Variants in MYPN observed in about 807,000 individuals in gnomAD.
MYPN encodes the protein sarcomeric protein myopalladin, 145 kDa (MYOP).
In MYPN, 63 loss-of-function variants were observed where a neutral mutation model predicts 129.4. The observed-to-expected ratio is 0.49, with a 90% CI of 0.40 to 0.60. The LOEUF (loss-of-function observed/expected upper bound fraction) is 0.60, where lower values mean the gene tolerates loss of function less well. Among genes scored for constraint, MYPN ranks in the 20% least tolerant of loss-of-function variants. The probability of loss-of-function intolerance (pLI) is 0.00; values close to 1 mark genes in which losing one functional copy is unlikely to be tolerated. For synonymous variants in MYPN, 629 were observed against 600.9 expected (o/e 1.05, Z -0.68); for missense variants, 1,596 against 1,635.4 (o/e 0.98, Z 0.42).
intron 1 of MYPN, among the ~76,000 whole-genome samples, chr10:68,111,133 A>G (rs1724679863): frequency 6.6e-6 from 1 of 152,240 alleles, no homozygotes; most frequent in Admixed American, 6.5e-5. Flanking sequence ...CAATTTATGG[A>G]CACAAGAAGT....
At chr10:68,099,897 T>C (rs895171105) in intron 1 of MYPN, among the ~76,000 whole-genome samples, 5 of 152,176 alleles carry the variant, frequency 3.3e-5, no homozygotes, top group African/African-American at 4.8e-5. Flanking sequence ...GCATTACTAA[T>C]GAGTGTGCAG....
At chr10:68,136,113 T>A (rs2042483452) in intron 2 of MYPN, 24 of 463,492 alleles carry the variant, frequency 5.2e-5, no homozygotes, top group Non-Finnish European at 6.8e-5. Flanking sequence ...TATTTTAGAA[T>A]AAATAGTAAC....
chr10:68,122,047 A>G lies in MYPN; in HGVS notation c.609A>G (p.Ser203=). ...QENSSSFSDL[S]ERRERSSVPI... is the part of the protein sequence containing the mutation. ...ACAGCTCCAGTTTCTCAGATCTGTC[A>G]GAAAGACGAGAAAGATCTTCTGTTC... The change falls in exon 2 of 20, where the codon TCA becomes TCG. Residue 203 remains serine (S), a synonymous_variant. Coordinates refer to ENST00000358913, the MANE Select transcript of MYPN (RefSeq NM_032578.4). The G allele has an allele frequency of 6.2e-7, 1 of 1,614,250 alleles. No individual in the cohort carries two copies. Among genetic ancestry groups the G allele is most frequent in the Non-Finnish European group, 8.5e-7 (1 of 1,180,044 alleles).
intron 6 of MYPN, among the ~76,000 whole-genome samples, chr10:68,151,679 C>T (rs972617442): frequency 6.6e-6 from 1 of 152,150 alleles, no homozygotes; most frequent in Non-Finnish European, 1.5e-5. Flanking sequence ...GCAGCTAAAC[C>T]ACAAGATAGT....
At position 68,206,799 on chromosome 10, in the gene MYPN, G is replaced by A; in HGVS notation, c.3689G>A (p.Cys1230Tyr). ...SMHQDTTGYACLLIQPAKKSD... is the reference protein window; with the variant it reads ...SMHQDTTGYAYLLIQPAKKSD... ...CACCAGGACACAACAGGGTATGCCT[G>A]CCTTCTCATTCAGCCAGCCAAGAAA... Residue 1230 changes from cysteine (C) to tyrosine (Y), a missense_variant, in exon 19 of 20, where the codon TGC becomes TAC. Coordinates refer to ENST00000358913, the MANE Select transcript of MYPN (RefSeq NM_032578.4). 1 of 1,614,188 alleles carries A rather than the reference G, an allele frequency of 6.2e-7. No homozygotes were observed. The highest frequency in any genetic ancestry group is 2.2e-5 in the East Asian group (1 of 44,892).
chr10:68,136,813 T>C, intron 2 of MYPN: 1 of 1,359,096 alleles, frequency 7.4e-7, no homozygotes, highest in Non-Finnish European at 1.0e-6. Flanking sequence ...TTGAAATAGC[T>C]ATTGATATTT....
intron 6 of MYPN, chr10:68,158,249 G>C (rs1414439288): frequency 4.0e-6 from 2 of 501,524 alleles, no homozygotes; most frequent in Non-Finnish European, 7.2e-6. Context: ...TGATAGAGGA[G>C]GACCAATCTT....
At chr10:68,149,596 G>C (rs1361398875) in intron 5 of MYPN, among the ~76,000 whole-genome samples, 1 of 152,078 alleles carries the variant, frequency 6.6e-6, no homozygotes, top group Non-Finnish European at 1.5e-5. Context: ...ACCATACCCA[G>C]CCTGATATAT....
At chr10:68,164,958 A>G (rs1193485656) in intron 8 of MYPN, among the ~76,000 whole-genome samples, 1 of 152,260 alleles carries the variant, frequency 6.6e-6, no homozygotes, top group African/African-American at 2.4e-5. Context: ...TTTCAATGCA[A>G]AAGTTCCCCA....
At chr10:68,208,250 CTCTG>C (rs1421121834) in intron 19 of MYPN, among the ~76,000 whole-genome samples, 2 of 152,100 alleles carry the variant, frequency 1.3e-5, no homozygotes, top group African/African-American at 4.8e-5. Context: ...ATAAGACTAG[CTCTG>C]TCTATTACCT....
chr10:68,135,539 G>A, intron 2 of MYPN: 1 of 977,030 alleles, frequency 1.0e-6, no homozygotes, highest in Non-Finnish European at 1.2e-6. Flanking sequence ...ACTACTTTTT[G>A]GCTGTGTTTT....
At chr10:68,170,758 T>C (rs570763359) in intron 10 of MYPN, among the ~76,000 whole-genome samples, 83 of 152,308 alleles carry the variant, frequency 5.4e-4, no homozygotes, top group Non-Finnish European at 1.0e-3. Context: ...GTGGAGCTTT[T>C]AAAAAACATT....
Position 68,169,227 on chromosome 10 carries a change from G to A in MYPN, c.1973+2561G>A, listed in dbSNP as rs1476159442. 9.5e-5 allele frequency among the ~76,000 whole-genome samples: 14 copies of A among 147,426 alleles called. No individual in the cohort carries two copies. The South Asian group carries it at 1.7e-3, about 18-fold the overall frequency. ...AAAAAAATTAGCCAGGTGTTGTGGC[G>A]GGCGCCTGTAGTCCCAGCTACTTGG... On this transcript the variant is annotated intron_variant, in intron 10 of 19. Coordinates refer to ENST00000358913, the MANE Select transcript of MYPN (RefSeq NM_032578.4).
At chr10:68,102,850 G>C (rs2041988625), upstream of MYPN, among the ~76,000 whole-genome samples, 1 of 152,092 alleles carries the variant, frequency 6.6e-6, no homozygotes, top group Non-Finnish European at 1.5e-5. Flanking sequence ...AAAAATTTTT[G>C]TGTTTAACTT....
At chr10:68,108,518 CTTAA>C (rs898924280), upstream of MYPN, among the ~76,000 whole-genome samples, 16 of 152,228 alleles carry the variant, frequency 1.1e-4, no homozygotes, top group African/African-American at 2.9e-4. Flanking sequence ...AGTTGTATGA[CTTAA>C]TTAAGAAAGC....
chr10:68,158,281 C>G (rs1006280157), intron 6 of MYPN: 1 of 572,650 alleles, frequency 1.7e-6, no homozygotes, highest in East Asian at 3.0e-5. Context: ...ATAGGAGTAG[C>G]CACGCTCGCC....
At chr10:68,169,449 A>G (rs1034370482) in intron 10 of MYPN, among the ~76,000 whole-genome samples, 3 of 152,042 alleles carry the variant, frequency 2.0e-5, no homozygotes, top group African/African-American at 7.2e-5. Context: ...TTCAGTCCTC[A>G]GGTACGTCGG....
chr10:68,096,108 C>T (rs537502996), intron 1 of MYPN, among the ~76,000 whole-genome samples: 1 of 152,102 alleles, frequency 6.6e-6, no homozygotes, highest in East Asian at 1.9e-4. Flanking sequence ...CACAAATCAA[C>T]CGATATTTCT....
intron 15 of MYPN, among the ~76,000 whole-genome samples, chr10:68,196,915 G>T (rs922537925): frequency 6.6e-6 from 1 of 152,050 alleles, no homozygotes; most frequent in African/African-American, 2.4e-5. Context: ...TTATAGCCAG[G>T]TTAAATTTTA....
Sources: gnomAD v4.1 joint callset for allele counts (sites outside exome capture counted in the v4.1 genomes callset) on GRCh38, gnomAD v4.1.1 for gene constraint, MANE v1.5 for transcripts, NCBI Gene and HGNC (gene_info 2026-07-23, HGNC 2026-07-21) for gene names.